The following PRDM5 variants were observed in gnomAD, a reference collection of about 807,000 sequenced individuals.
The protein encoded by PRDM5 is PR/SET domain 5, also known as PR domain zinc finger protein 5.
In PRDM5, 56 loss-of-function variants were observed where a neutral mutation model predicts 81.2. The observed-to-expected ratio is 0.69, with a 90% CI of 0.56 to 0.86. The LOEUF (loss-of-function observed/expected upper bound fraction) is 0.86. PRDM5 is among the 40% of genes least tolerant of loss of function. The pLI is 0.00. For synonymous variants in PRDM5, 267 were observed against 256.4 expected, an observed-to-expected ratio of 1.04 and a Z score of -0.39; for missense variants, 697 against 770.1, an observed-to-expected ratio of 0.91 and a Z score of 1.12.
intron 3 of PRDM5, among the ~76,000 whole-genome samples, chr4:120,825,162 C>T (rs1755797085): frequency 6.6e-6 from 1 of 152,086 alleles, no homozygotes; most frequent in Admixed American, 6.6e-5. Flanking sequence ...CCACCAATTT[C>T]CTCATCTGTA....
intron 7 of PRDM5, among the ~76,000 whole-genome samples, chr4:120,814,607 A>G (rs1378986533): frequency 6.6e-6 from 1 of 152,202 alleles, no homozygotes; most frequent in Admixed American, 6.5e-5. Flanking sequence ...CACCTTAACA[A>G]AAAAACATTT....
At chr4:120,863,606 TA>T (rs1311015330) in intron 2 of PRDM5, among the ~76,000 whole-genome samples, 1 of 151,890 alleles carries the variant, frequency 6.6e-6, no homozygotes, top group Non-Finnish European at 1.5e-5. Flanking sequence ...CCAAAGCATT[TA>T]AAAAAATGAG....
intron 1 of PRDM5, among the ~76,000 whole-genome samples, chr4:120,918,442 C>G (rs778965760): frequency 6.6e-6 from 1 of 152,174 alleles, no homozygotes; most frequent in Non-Finnish European, 1.5e-5. Flanking sequence ...ATCAACACAA[C>G]ACCTTATCCC....
At chr4:120,895,808 C>T (rs1764551786) in intron 2 of PRDM5, 1 of 152,182 alleles carries the variant, frequency 6.6e-6, no homozygotes, top group Admixed American at 6.5e-5. Flanking sequence ...TCATGAGTAG[C>T]TAGGACAACA....
chr4:120,742,543 A>G (rs1742208319), intron 14 of PRDM5, among the ~76,000 whole-genome samples: 1 of 151,934 alleles, frequency 6.6e-6, no homozygotes, highest in African/African-American at 2.4e-5. Flanking sequence ...AAAATTTAGA[A>G]GAATGTATAA....
At chr4:120,819,436 CCATGGCACATGGCA>C (rs11278839) in intron 4 of PRDM5, among the ~76,000 whole-genome samples, 1 of 151,424 alleles carries the variant, frequency 6.6e-6, no homozygotes, top group Non-Finnish European at 1.5e-5. Context: ...ATAAAAATAG[CCATGGCACATGGCA>C]CATGGCACAT....
downstream of PRDM5, among the ~76,000 whole-genome samples, chr4:120,691,586 C>T (rs1449286404): frequency 6.6e-6 from 1 of 152,088 alleles, no homozygotes; most frequent in Admixed American, 6.6e-5. Flanking sequence ...ACTTAAGATG[C>T]TACTAATCAG....
chr4:120,697,953 T>G (rs11727721), intron 15 of PRDM5, among the ~76,000 whole-genome samples: 1 of 21,226 alleles, frequency 4.7e-5, no homozygotes, highest in African/African-American at 6.3e-5. Context: ...AGTATACAAA[T>G]AAAATAAAAT....
At chr4:120,922,460 G>C in intron 1 of PRDM5, 56 bp downstream of exon 1, 1 of 1,391,744 alleles carries the variant, frequency 7.2e-7, no homozygotes, top group South Asian at 1.7e-5. Flanking sequence ...GGCGACTCCG[G>C]GAGGCACAGG....
At position 120,782,791 on chromosome 4, in the gene PRDM5, C is replaced by T. The variant is rs534169174; in HGVS notation, c.1283-1488G>A. 4.6e-5 allele frequency among the ~76,000 whole-genome samples: 7 copies of T among 152,080 alleles called. No individual in the cohort carries two copies. In the South Asian group the frequency reaches 8.3e-4, roughly 18 times the overall value. On this transcript the variant is annotated intron_variant, in intron 11 of 15. Transcript: ENST00000264808. ...GTAAACATTAATGTTAATATCAAAT[C>T]GATTCAGGTACTGAAAGAGATCTTT...
At position 120,772,518 on chromosome 4, in the gene PRDM5, G is replaced by A. The variant is rs150088857; in HGVS notation, c.1537+4670C>T. On this transcript the variant is annotated intron_variant, in intron 13 of 15. Coordinates refer to ENST00000264808, the MANE Select transcript of PRDM5 (RefSeq NM_018699.4). Reference sequence around the variant, plus strand: ...TGCCAATGGACATTAACGTTGCAGCGGCGGCAGCAGCAGTGGCAAAAGCTT... The same window carrying A: ...TGCCAATGGACATTAACGTTGCAGCAGCGGCAGCAGCAGTGGCAAAAGCTT... Among the ~76,000 whole-genome samples the A allele has an allele frequency of 9.4e-4, 143 of 152,260 alleles. 1 individual carries two copies. The highest frequency in any genetic ancestry group is 9.7e-4 in the Non-Finnish European group (66 of 68,028).
At chr4:120,883,830 T>C (rs190179373) in intron 2 of PRDM5, among the ~76,000 whole-genome samples, 2 of 152,320 alleles carry the variant, frequency 1.3e-5, no homozygotes, top group Admixed American at 6.5e-5. Context: ...TTGCACAAGA[T>C]ATTAATGAAA....
At chr4:120,719,352 G>A (rs868444775) in intron 14 of PRDM5, among the ~76,000 whole-genome samples, 2 of 152,144 alleles carry the variant, frequency 1.3e-5, no homozygotes, top group Non-Finnish European at 2.9e-5. Flanking sequence ...TATTAAAAAC[G>A]AATTACTAGA....
At chr4:120,801,557 T>C (rs1752120239) in intron 8 of PRDM5, among the ~76,000 whole-genome samples, 2 of 152,234 alleles carry the variant, frequency 1.3e-5, no homozygotes, top group South Asian at 2.1e-4. Flanking sequence ...AGCCAAAATA[T>C]GTCATTCCAC....
At chr4:120,775,312 CTCT>C (rs1747991665) in intron 13 of PRDM5, among the ~76,000 whole-genome samples, 1 of 151,840 alleles carries the variant, frequency 6.6e-6, no homozygotes, top group Non-Finnish European at 1.5e-5. Flanking sequence ...TCTAAAAATC[CTCT>C]TATTATTGTA....
At chr4:120,896,971 C>A (rs931222714) in intron 2 of PRDM5, 3 of 152,092 alleles carry the variant, frequency 2.0e-5, no homozygotes, top group African/African-American at 7.2e-5. Context: ...GCGCGAGCCA[C>A]CATGCGCAGC....
At chr4:120,885,134 C>CAAAAAAAAAAAAAA (rs60623556) in intron 2 of PRDM5, among the ~76,000 whole-genome samples, 7 of 50,676 alleles carry the variant, frequency 1.4e-4, no homozygotes, top group African/African-American at 2.7e-4. Flanking sequence ...GACTCCGTAT[C>CAAAAAAAAAAAAAA]AAAAAAAAAA....
chr4:120,913,045 A>C (rs2148700244), intron 1 of PRDM5, among the ~76,000 whole-genome samples: 1 of 152,362 alleles, frequency 6.6e-6, no homozygotes, highest in Admixed American at 6.5e-5. Context: ...AGTCTGAGGC[A>C]GACTAGTTGC....
At chr4:120,776,174 T>A (rs1326709403) in intron 13 of PRDM5, among the ~76,000 whole-genome samples, 1 of 152,232 alleles carries the variant, frequency 6.6e-6, no homozygotes, top group Non-Finnish European at 1.5e-5. Flanking sequence ...TCCACAGCTA[T>A]CTGTTCTTGG....
Sources: gnomAD v4.1 joint callset for allele counts (sites outside exome capture counted in the v4.1 genomes callset) on GRCh38, gnomAD v4.1.1 for gene constraint, MANE v1.5 for transcripts, NCBI Gene and HGNC (gene_info 2026-07-23, HGNC 2026-07-21) for gene names.